ME3: variants seen among roughly 807,000 people sequenced by gnomAD.
ME3 encodes NADP-dependent malic enzyme, mitochondrial.
In ME3, 48 loss-of-function variants were observed where a neutral mutation model predicts 68.9. That is an observed-to-expected ratio of 0.70 (90% confidence interval 0.55 to 0.89). The LOEUF is 0.89. Ranked by LOEUF, ME3 falls within the 40% of genes least tolerant of loss-of-function variation. The pLI is 0.00. For missense variants in ME3, 675 were observed against 797.4 expected (o/e 0.85, Z 1.85); for synonymous variants, 320 against 318.8 (o/e 1.00, Z -0.04).
intron 2 of ME3, among the ~76,000 whole-genome samples, chr11:86,587,577 A>T (rs545285018): frequency 2.6e-5 from 4 of 152,260 alleles, no homozygotes; most frequent in African/African-American, 7.2e-5. Flanking sequence ...AAAGCCCTTC[A>T]TGACTACTGT....
At chr11:86,456,556 T>A (rs1003362328) in intron 8 of ME3, among the ~76,000 whole-genome samples, 23 of 152,054 alleles carry the variant, frequency 1.5e-4, no homozygotes, top group African/African-American at 5.6e-4. Flanking sequence ...CTTCCATCCC[T>A]TCATGATCTC....
intron 2 of ME3, among the ~76,000 whole-genome samples, chr11:86,622,291 A>G (rs1316472663): frequency 1.3e-5 from 2 of 151,996 alleles, no homozygotes; most frequent in African/African-American, 4.8e-5. Context: ...TTCTCATTTT[A>G]CGCCTCCCTA....
chr11:86,476,725 A>G (rs1343487666), intron 7 of ME3, among the ~76,000 whole-genome samples: 1 of 152,200 alleles, frequency 6.6e-6, no homozygotes, highest in Non-Finnish European at 1.5e-5. Context: ...GCAAAACTGA[A>G]TAGGTCTGTG....
chr11:86,448,864 C>T (rs541973945), intron 10 of ME3, among the ~76,000 whole-genome samples: 1 of 152,226 alleles, frequency 6.6e-6, no homozygotes, highest in African/African-American at 2.4e-5. Context: ...ATTAGCTGGC[C>T]TCATAGGAAC....
intron 7 of ME3, among the ~76,000 whole-genome samples, chr11:86,485,285 A>G (rs569115342): frequency 3.6e-4 from 55 of 152,332 alleles, no homozygotes; most frequent in African/African-American, 1.3e-3. Context: ...TACCAGGCTC[A>G]GCTTTTGGTT....
intron 6 of ME3, among the ~76,000 whole-genome samples, chr11:86,492,926 G>T (rs1004534401): frequency 6.6e-6 from 1 of 152,168 alleles, no homozygotes; most frequent in African/African-American, 2.4e-5. Context: ...GGTCTGGGAG[G>T]TCACGGGATT....
intron 4 of ME3, among the ~76,000 whole-genome samples, chr11:86,534,875 G>C (rs1374814605): frequency 6.6e-6 from 1 of 152,016 alleles, no homozygotes; most frequent in African/African-American, 2.4e-5. Flanking sequence ...TCTGTTACTT[G>C]TGTGGAGAAT....
intron 7 of ME3, 44 bp downstream of exon 7, chr11:86,487,293 C>T (rs669325): frequency 0.26 from 396,493 of 1,512,666 alleles, 53,471 homozygotes; most frequent in East Asian, 0.32. Flanking sequence ...GTCACGGCAT[C>T]TCTTAAAAGT....
chr11:86,520,718 C>T (rs1954211521), intron 4 of ME3, among the ~76,000 whole-genome samples: 1 of 152,184 alleles, frequency 6.6e-6, no homozygotes, highest in East Asian at 1.9e-4. Flanking sequence ...TTGCATGGGT[C>T]CCCTAATGCA....
chr11:86,663,141 C>CA (rs1946388153), intron 2 of ME3, among the ~76,000 whole-genome samples: 1 of 152,188 alleles, frequency 6.6e-6, no homozygotes, highest in Non-Finnish European at 1.5e-5. Context: ...AGAATCAAGA[C>CA]AAAATGCTTT....
chr11:86,500,604 CATAGA>C (rs1380341658), intron 5 of ME3, among the ~76,000 whole-genome samples: 1 of 152,182 alleles, frequency 6.6e-6, no homozygotes, highest in Non-Finnish European at 1.5e-5. Context: ...TTGAACTGTC[CATAGA>C]ATAGAGTCCA....
intron 2 of ME3, among the ~76,000 whole-genome samples, chr11:86,659,639 ATC>A (rs1946147445): frequency 6.6e-6 from 1 of 152,166 alleles, no homozygotes; most frequent in Non-Finnish European, 1.5e-5. Flanking sequence ...GATGGAGACT[ATC>A]TTAAAACTTC....
intron 6 of ME3, among the ~76,000 whole-genome samples, chr11:86,493,934 G>A (rs1403964794): frequency 6.6e-5 from 10 of 151,992 alleles, no homozygotes; most frequent in Admixed American, 3.9e-4. Flanking sequence ...CTCCCTGCAC[G>A]GACATGTGAG....
At chr11:86,530,517 C>A (rs1183499552) in intron 4 of ME3, among the ~76,000 whole-genome samples, 1 of 152,086 alleles carries the variant, frequency 6.6e-6, no homozygotes, top group Non-Finnish European at 1.5e-5. Context: ...TCATATGGAA[C>A]CAAAAAATAG....
At chr11:86,540,747 G>C (rs1259371945) in intron 4 of ME3, among the ~76,000 whole-genome samples, 2 of 152,084 alleles carry the variant, frequency 1.3e-5, no homozygotes, top group Non-Finnish European at 2.9e-5. Flanking sequence ...TTCTTTTCTG[G>C]CAAGGCAACC....
downstream of ME3, chr11:86,436,370 T>C (rs953628173): frequency 1.1e-4 from 17 of 152,120 alleles, no homozygotes; most frequent in African/African-American, 3.9e-4. Context: ...GTCATCTTCT[T>C]ATTAAGTTGA....
chr11:86,601,191 T>C (rs1291980160), intron 2 of ME3, among the ~76,000 whole-genome samples: 2 of 151,138 alleles, frequency 1.3e-5, no homozygotes, highest in African/African-American at 2.4e-5. Context: ...ATCAACAAAA[T>C]TGATAGACTG....
intron 2 of ME3, among the ~76,000 whole-genome samples, chr11:86,667,247 G>GA (rs1360061062): frequency 2.6e-5 from 4 of 152,156 alleles, no homozygotes; most frequent in African/African-American, 7.2e-5. Context: ...CTCAAGAGAT[G>GA]AAAAAACTAC....
intron 2 of ME3, among the ~76,000 whole-genome samples, chr11:86,646,048 G>A (rs1372223719): frequency 2.0e-5 from 3 of 152,124 alleles, no homozygotes; most frequent in Non-Finnish European, 4.4e-5. Flanking sequence ...CCATCTGAAG[G>A]TCACCAGAAT....
Sources: allele counts gnomAD v4.1 joint callset (sites outside exome capture counted in the v4.1 genomes callset), GRCh38; gene constraint gnomAD v4.1.1; transcripts MANE v1.5; gene names NCBI Gene and HGNC (gene_info 2026-07-23, HGNC 2026-07-21).